Variants in DENND1A observed in about 807,000 individuals in gnomAD.
The protein encoded by DENND1A is DENN domain-containing protein 1A.
A neutral mutation model predicts 113.7 loss-of-function variants in DENND1A; 51 were observed. The observed-to-expected ratio is 0.45, with a 90% CI of 0.36 to 0.57. The LOEUF (loss-of-function observed/expected upper bound fraction) is 0.57. Among genes scored for constraint, DENND1A ranks in the 20% least tolerant of loss-of-function variants. The probability of loss-of-function intolerance (pLI) is 0.00; values close to 1 mark genes in which losing one functional copy is unlikely to be tolerated. For missense variants in DENND1A, 1,258 were observed against 1,395.9 expected, an observed-to-expected ratio of 0.90 and a Z score of 1.57; for synonymous variants, 565 against 570.8, an observed-to-expected ratio of 0.99 and a Z score of 0.14.
chr9:123,743,589 G>A (rs961519557), intron 5 of DENND1A, among the ~76,000 whole-genome samples: 7 of 151,554 alleles, frequency 4.6e-5, no homozygotes, highest in East Asian at 1.9e-4. Flanking sequence ...AAACTTAGCT[G>A]AGCATGGTCG....
chr9:123,825,261 A>C (rs1839127222), intron 2 of DENND1A, among the ~76,000 whole-genome samples: 1 of 151,944 alleles, frequency 6.6e-6, no homozygotes. Context: ...TCAATTAGTG[A>C]AAGTATTCGT....
chr9:123,483,880 G>C (rs2050563967), intron 13 of DENND1A, among the ~76,000 whole-genome samples: 1 of 152,148 alleles, frequency 6.6e-6, no homozygotes, highest in Admixed American at 6.5e-5. Context: ...CTCAGTTGTG[G>C]GTTGTTGTTC....
intron 21 of DENND1A, among the ~76,000 whole-genome samples, chr9:123,399,797 A>G (rs970888665): frequency 2.0e-5 from 3 of 152,248 alleles, no homozygotes; most frequent in Non-Finnish European, 2.9e-5. Context: ...CAAGGACAGC[A>G]TCAGAATGTC....
chr9:123,756,295 A>T lies in DENND1A; in HGVS notation c.302+1408T>A, dbSNP rs980963136. Reference sequence around the variant, plus strand: ...CAGTACCCTTAAACCCATATTGTTCAAGGGTCAACTGTATAAATATGCAGT... The same window carrying T: ...CAGTACCCTTAAACCCATATTGTTCTAGGGTCAACTGTATAAATATGCAGT... On this transcript the variant is annotated intron_variant, in intron 5 of 23. Coordinates refer to ENST00000394215, the MANE Select transcript of DENND1A (RefSeq NM_001352964.2). 3.3e-5 allele frequency among the ~76,000 whole-genome samples: 5 copies of T among 152,214 alleles called. No individual in the cohort carries two copies. The South Asian group carries it at 1.0e-3, about 32-fold the overall frequency.
At chr9:123,394,326 C>T (rs1201451153) in intron 21 of DENND1A, among the ~76,000 whole-genome samples, 1 of 152,090 alleles carries the variant, frequency 6.6e-6, no homozygotes, top group African/African-American at 2.4e-5. Context: ...CTGGAGGCAT[C>T]TCCGAGAGGG....
In DENND1A at chr9:123,381,891, G is replaced by A. The variant is rs2042289425; in HGVS notation, c.2754C>T (p.Ala918=). ...AAGCCGGCCCCAGGGAAGCTGGAGG[G>A]GCCCCGAAAGGCCCGGCTGGTGTGG... ...LVSTPAGPFG[A]PPASLGPAFA... Residue 918 remains alanine (A), a synonymous_variant, in exon 24 of 24, where the codon GCC becomes GCT. Transcript: ENST00000394215. The surrounding 1 kb of genome is among the most constrained non-coding windows in gnomAD (Gnocchi z 4.7). The A allele has an allele frequency of 7.6e-7, 1 of 1,315,792 alleles. No homozygotes were observed. The highest frequency in any genetic ancestry group is 9.8e-7 in the Non-Finnish European group (1 of 1,018,316). 81.5% of individuals were successfully genotyped at this position (1,315,792 alleles called of 1,614,324 possible).
intron 13 of DENND1A, among the ~76,000 whole-genome samples, chr9:123,514,297 T>G (rs1304392957): frequency 6.6e-6 from 1 of 152,004 alleles, no homozygotes; most frequent in African/African-American, 2.4e-5. Flanking sequence ...GGGGGCAGCC[T>G]GGCTCAGGGT....
At chr9:123,460,033 G>C (rs2048411265) in intron 13 of DENND1A, among the ~76,000 whole-genome samples, 1 of 152,170 alleles carries the variant, frequency 6.6e-6, no homozygotes, top group South Asian at 2.1e-4. Flanking sequence ...TATATAAAAA[G>C]TATTTGTTTG....
At chr9:123,884,156 A>T (rs1190231093) in intron 1 of DENND1A, among the ~76,000 whole-genome samples, 5 of 152,208 alleles carry the variant, frequency 3.3e-5, no homozygotes, top group African/African-American at 1.2e-4. Context: ...ATTTTCATTA[A>T]GCCTGTAAAC....
intron 10 of DENND1A, among the ~76,000 whole-genome samples, chr9:123,614,921 G>C (rs1223327361): frequency 6.6e-6 from 1 of 152,190 alleles, no homozygotes; most frequent in Non-Finnish European, 1.5e-5. Flanking sequence ...AGACACAAAC[G>C]TGTAAACACA....
At chr9:123,728,303 C>A (rs1356033238) in intron 5 of DENND1A, among the ~76,000 whole-genome samples, 2 of 150,840 alleles carry the variant, frequency 1.3e-5, no homozygotes, top group East Asian at 2.0e-4. Flanking sequence ...CATGGAGAAA[C>A]CCTGTCTCTA....
chr9:123,458,004 C>CT (rs71390436), intron 13 of DENND1A, 107 bp from the exon 14 acceptor site: 272,846 of 565,622 alleles, frequency 0.48, 32,787 homozygotes, highest in Admixed American at 0.54. Flanking sequence ...TTTTCTTTTC[C>CT]TTTTTTTTTT....
At chr9:123,615,199 AT>A (rs2060592576) in intron 10 of DENND1A, among the ~76,000 whole-genome samples, 1 of 152,188 alleles carries the variant, frequency 6.6e-6, no homozygotes, top group Non-Finnish European at 1.5e-5. Flanking sequence ...AGGCTAAGGC[AT>A]TTTCCTCATT....
At chr9:123,745,557 A>G (rs1279932747) in intron 5 of DENND1A, among the ~76,000 whole-genome samples, 1 of 152,260 alleles carries the variant, frequency 6.6e-6, no homozygotes, top group Non-Finnish European at 1.5e-5. Flanking sequence ...TAATAGAATA[A>G]AATTGCCCAA....
intron 12 of DENND1A, among the ~76,000 whole-genome samples, chr9:123,571,709 G>A (rs1438597587): frequency 6.6e-6 from 1 of 152,210 alleles, no homozygotes; most frequent in Non-Finnish European, 1.5e-5. Context: ...CCATTTGATA[G>A]ACATTTCGGT....
intron 13 of DENND1A, among the ~76,000 whole-genome samples, chr9:123,551,291 C>T (rs1441914670): frequency 6.6e-6 from 1 of 152,204 alleles, no homozygotes; most frequent in Non-Finnish European, 1.5e-5. Flanking sequence ...GCACCAGAGG[C>T]CAAGTGGAGC....
At chr9:123,672,026 T>C (rs1291573971) in intron 6 of DENND1A, among the ~76,000 whole-genome samples, 1 of 152,224 alleles carries the variant, frequency 6.6e-6, no homozygotes, top group African/African-American at 2.4e-5. Context: ...TGGAATTCTT[T>C]GTGCTAATAC....
intron 5 of DENND1A, among the ~76,000 whole-genome samples, chr9:123,694,642 G>C (rs2065393909): frequency 1.3e-5 from 2 of 152,174 alleles, no homozygotes; most frequent in Non-Finnish European, 2.9e-5. Context: ...TAGTAGTGCA[G>C]TCGCTGTTTT....
At chr9:123,536,468 A>C (rs77000482) in intron 13 of DENND1A, among the ~76,000 whole-genome samples, 2,512 of 146,092 alleles carry the variant, frequency 0.017, 18 homozygotes, top group Non-Finnish European at 0.026. Flanking sequence ...TCTGTCTCCA[A>C]AAAAAAAAAA....
Sources: allele counts gnomAD v4.1 joint callset (sites outside exome capture counted in the v4.1 genomes callset), GRCh38; gene constraint gnomAD v4.1.1; non-coding constraint Gnocchi (gnomAD v3.1); transcripts MANE v1.5; gene names NCBI Gene and HGNC (gene_info 2026-07-23, HGNC 2026-07-21).